Variants in PDE4B observed in about 807,000 individuals in gnomAD.
The protein encoded by PDE4B is phosphodiesterase 4B.
Under a neutral mutation model 82.2 loss-of-function variants are expected in PDE4B, and 20 were observed. The observed-to-expected ratio is 0.24, with a 90% CI of 0.17 to 0.35. The LOEUF (loss-of-function observed/expected upper bound fraction) is 0.35. PDE4B is among the 10% of genes least tolerant of loss of function. The pLI, the probability that PDE4B is intolerant of heterozygous loss-of-function variation, is 1.00. For synonymous variants in PDE4B, 320 were observed against 318.9 expected (o/e 1.00, Z -0.04); for missense variants, 655 against 907.2 (o/e 0.72, Z 3.57).
At chr1:65,899,207 T>G (rs774222820) in intron 1 of PDE4B, among the ~76,000 whole-genome samples, 1 of 151,694 alleles carries the variant, frequency 6.6e-6, no homozygotes, top group Non-Finnish European at 1.5e-5. Context: ...CCAACAAACA[T>G]GTGAAAAAAT....
At chr1:66,274,014 T>C (rs1655690950) in intron 7 of PDE4B, among the ~76,000 whole-genome samples, 1 of 152,270 alleles carries the variant, frequency 6.6e-6, no homozygotes, top group South Asian at 2.1e-4. Flanking sequence ...ATTTTTATCA[T>C]ACTATATTGT....
At chr1:66,069,885 CA>C (rs980104044) in intron 3 of PDE4B, among the ~76,000 whole-genome samples, 23 of 152,008 alleles carry the variant, frequency 1.5e-4, no homozygotes, top group African/African-American at 4.8e-4. Context: ...TTTATGATTA[CA>C]AAAAATAAGA....
chr1:66,139,904 G>A (rs181405666), intron 3 of PDE4B, among the ~76,000 whole-genome samples: 7 of 152,290 alleles, frequency 4.6e-5, no homozygotes, highest in African/African-American at 1.4e-4. Context: ...TATGTTGGAC[G>A]TTAGACCATT....
intron 3 of PDE4B, among the ~76,000 whole-genome samples, chr1:66,116,834 G>A (rs1448379534): frequency 6.6e-6 from 1 of 152,130 alleles, no homozygotes; most frequent in Non-Finnish European, 1.5e-5. Flanking sequence ...CAAATTGCTA[G>A]GATTACGTGG....
chr1:66,201,136 G>A (rs1648895925), intron 3 of PDE4B, among the ~76,000 whole-genome samples: 2 of 152,148 alleles, frequency 1.3e-5, no homozygotes, highest in African/African-American at 2.4e-5. Context: ...CTGTTTATAT[G>A]CTGGATTACA....
At chr1:66,301,156 A>G (rs748103454) in intron 7 of PDE4B, among the ~76,000 whole-genome samples, 15 of 152,088 alleles carry the variant, frequency 9.9e-5, no homozygotes, top group Admixed American at 3.3e-4. Context: ...ACATGGCTGC[A>G]GTATTCACCA....
chr1:65,838,713 G>T (rs1449484604), intron 1 of PDE4B, among the ~76,000 whole-genome samples: 1 of 150,946 alleles, frequency 6.6e-6, no homozygotes, highest in Non-Finnish European at 1.5e-5. Context: ...GATCGATTTA[G>T]CCCTGAAAGA....
At chr1:65,971,455 T>A (rs1380364869) in intron 3 of PDE4B, among the ~76,000 whole-genome samples, 2 of 152,156 alleles carry the variant, frequency 1.3e-5, no homozygotes, top group Non-Finnish European at 2.9e-5. Flanking sequence ...TATTTAGGCA[T>A]CTCTATTAAT....
At chr1:66,054,157 C>T (rs764197832) in intron 3 of PDE4B, among the ~76,000 whole-genome samples, 5 of 151,918 alleles carry the variant, frequency 3.3e-5, no homozygotes, top group Non-Finnish European at 7.4e-5. Flanking sequence ...ATCATGTTGC[C>T]GTGATTTGTA....
chr1:66,188,892 T>G (rs936503102), intron 3 of PDE4B, among the ~76,000 whole-genome samples: 33 of 152,312 alleles, frequency 2.2e-4, no homozygotes, highest in Admixed American at 9.8e-4. Flanking sequence ...GTTAGCTGGG[T>G]ATTTTGCTCA....
intron 8 of PDE4B, among the ~76,000 whole-genome samples, chr1:66,337,042 A>G (rs1231989225): frequency 2.6e-5 from 4 of 152,250 alleles, no homozygotes; most frequent in Non-Finnish European, 5.9e-5. Flanking sequence ...GGAAAATGCC[A>G]GCTCCTGCAG....
chr1:66,218,474 T>C (rs1344997556), intron 3 of PDE4B, among the ~76,000 whole-genome samples: 3 of 152,160 alleles, frequency 2.0e-5, no homozygotes, highest in Non-Finnish European at 4.4e-5. Context: ...GCTCAGTGAT[T>C]ACTGCTGTTT....
chr1:65,915,274 C>T (rs1647146727), intron 2 of PDE4B, among the ~76,000 whole-genome samples: 1 of 152,076 alleles, frequency 6.6e-6, no homozygotes, highest in Non-Finnish European at 1.5e-5. Context: ...TGGTGACTGC[C>T]TACAATGAAA....
At chr1:65,951,892 A>G (rs1451946122) in intron 3 of PDE4B, among the ~76,000 whole-genome samples, 2 of 152,076 alleles carry the variant, frequency 1.3e-5, no homozygotes, top group Non-Finnish European at 1.5e-5. Flanking sequence ...CACTGTGAGG[A>G]AACAAATCCC....
At chr1:66,118,694 A>G (rs1234011534) in intron 3 of PDE4B, among the ~76,000 whole-genome samples, 1 of 152,160 alleles carries the variant, frequency 6.6e-6, no homozygotes, top group Non-Finnish European at 1.5e-5. Flanking sequence ...GTGCACATGT[A>G]CCCTAAAACT....
intron 1 of PDE4B, among the ~76,000 whole-genome samples, chr1:65,800,493 C>A (rs533136062): frequency 3.3e-5 from 5 of 152,256 alleles, no homozygotes; most frequent in African/African-American, 1.2e-4. Flanking sequence ...AATTGGAAGT[C>A]CTGAGTTCCA....
Position 66,012,238 on chromosome 1 carries a change from C to T in PDE4B, c.281+93403C>T, listed in dbSNP as rs545506390. ...TGGTTTTGCAGTAGCATACATCAGA[C>T]ATAGTCATTGTGTTTGGATTGGGAT... On this transcript the variant is annotated intron_variant, in intron 3 of 16. Transcript: ENST00000341517. Among the ~76,000 whole-genome samples, 3 of 152,194 alleles carry T rather than the reference C, an allele frequency of 2.0e-5. No individual in the cohort carries two copies. In the East Asian group the frequency reaches 5.8e-4, roughly 29 times the overall value.
intron 3 of PDE4B, among the ~76,000 whole-genome samples, chr1:65,927,516 A>G (rs1557437923): frequency 6.8e-6 from 1 of 147,540 alleles, no homozygotes; most frequent in Non-Finnish European, 1.5e-5. Flanking sequence ...ATATATGTAA[A>G]TATATATAAT....
intron 3 of PDE4B, among the ~76,000 whole-genome samples, chr1:66,207,696 T>C (rs1649664769): frequency 6.6e-6 from 1 of 152,192 alleles, no homozygotes; most frequent in Middle Eastern, 3.2e-3. Context: ...GTCGTAATGG[T>C]GAGTCATTGG....
Sources: gnomAD v4.1 joint callset for allele counts (sites outside exome capture counted in the v4.1 genomes callset) on GRCh38, gnomAD v4.1.1 for gene constraint, MANE v1.5 for transcripts, NCBI Gene and HGNC (gene_info 2026-07-23, HGNC 2026-07-21) for gene names.